MLLT3: variants seen among roughly 807,000 people sequenced by gnomAD.
MLLT3 encodes MLLT3 super elongation complex subunit.
MLLT3 carries 4 observed loss-of-function variants against 53.2 expected under a neutral mutation model. The ratio of observed to expected loss-of-function variants is 0.08; its 90% confidence interval spans 0.04 to 0.17. The LOEUF is 0.17. MLLT3 is among the 10% of genes least tolerant of loss of function. MLLT3 has a pLI of 1.00. For synonymous variants in MLLT3, 283 were observed against 230.6 expected (o/e 1.23, Z -2.06); for missense variants, 569 against 684.0 (o/e 0.83, Z 1.87).
intron 5 of MLLT3, among the ~76,000 whole-genome samples, chr9:20,370,516 C>CTT (rs112766052): frequency 4.8e-5 from 7 of 146,484 alleles, no homozygotes; most frequent in African/African-American, 1.7e-4. Flanking sequence ...AGCCACAAAT[C>CTT]TTTTTTTTTT....
intron 2 of MLLT3, among the ~76,000 whole-genome samples, chr9:20,578,508 T>TC (rs1819710998): frequency 6.6e-6 from 1 of 150,998 alleles, no homozygotes; most frequent in Non-Finnish European, 1.5e-5. Flanking sequence ...AAACTACGTC[T>TC]CTAAAAAAAA....
At chr9:20,577,206 T>C (rs752736577) in intron 2 of MLLT3, among the ~76,000 whole-genome samples, 11 of 152,102 alleles carry the variant, frequency 7.2e-5, no homozygotes, top group Non-Finnish European at 1.5e-4. Flanking sequence ...GTTAAAGCAA[T>C]AGTAGGACAA....
chr9:20,534,679 G>T (rs530814745), intron 2 of MLLT3, among the ~76,000 whole-genome samples: 49 of 152,278 alleles, frequency 3.2e-4, no homozygotes, highest in African/African-American at 1.1e-3. Context: ...GAGGTCAGGA[G>T]ATCGAGACCA....
intron 2 of MLLT3, among the ~76,000 whole-genome samples, chr9:20,470,621 C>A (rs776712243): frequency 6.6e-6 from 1 of 151,900 alleles, no homozygotes; most frequent in Non-Finnish European, 1.5e-5. Flanking sequence ...CCTTGTTTTT[C>A]TGTTTTCATC....
chr9:20,605,201 A>G (rs1166325404), intron 2 of MLLT3, among the ~76,000 whole-genome samples: 4 of 152,078 alleles, frequency 2.6e-5, no homozygotes, highest in East Asian at 1.9e-4. Flanking sequence ...CAATTCCTCA[A>G]GGATTACAAT....
Position 20,365,696 on chromosome 9 carries a change from A to C in MLLT3, c.1174T>G (p.Phe392Val). 6.2e-7 allele frequency: 1 copy of C among 1,613,982 alleles called. No homozygotes were observed. The highest frequency in any genetic ancestry group is 8.5e-7 in the Non-Finnish European group (1 of 1,179,894). Reference protein sequence around the residue: ...ASSSSSSSSSFTPSQTRQQGP... With the variant: ...ASSSSSSSSSVTPSQTRQQGP... The stretch of plus-strand genomic sequence containing the variant: ...TGTTGCCTGGTCTGGGATGGTGTGA[A>C]GCTGGAGCTGGAGCTGGAGCTGGAG... The change falls in exon 6 of 11, where the codon TTC (phenylalanine) becomes GTC (valine). Residue 392 changes from phenylalanine (F) to valine (V), a missense_variant. Phe to Val is a conservative substitution (Grantham distance 50). This residue lies in a region of MLLT3 where 437 missense variants were observed against 376.5 expected (regional missense o/e 1.16). Transcript: ENST00000380338.
At chr9:20,571,374 T>C (rs1178412153) in intron 2 of MLLT3, among the ~76,000 whole-genome samples, 1 of 152,188 alleles carries the variant, frequency 6.6e-6, no homozygotes, top group Non-Finnish European at 1.5e-5. Context: ...AACCTACATG[T>C]AATAAGAGCA....
chr9:20,399,290 TAA>T (rs1437536375), intron 5 of MLLT3, among the ~76,000 whole-genome samples: 3 of 152,230 alleles, frequency 2.0e-5, no homozygotes, highest in Non-Finnish European at 4.4e-5. Context: ...ATCAATTACT[TAA>T]GAGGAGTCTT....
chr9:20,343,537 A>C lies in MLLT3; in HGVS notation c.*2906T>G, dbSNP rs911727662. 8.7e-6 allele frequency: 2 copies of C among 229,292 alleles called. No homozygotes were observed. The highest frequency in any genetic ancestry group is 4.4e-5 in the African/African-American group (2 of 45,106). 14.2% of individuals were successfully genotyped at this position (229,292 alleles called of 1,614,324 possible). A position where few individuals can be genotyped will look rare whatever the true frequency, so the allele number is the denominator to read the frequency against. The stretch of plus-strand genomic sequence containing the variant: ...AGACAGAAGGAACCCCAAACCCACC[A>C]ACACACATCCTGCTGCAAAACCAGA... On this transcript the variant is annotated 3_prime_UTR_variant, in exon 11 of 11. Transcript: ENST00000380338.
chr9:20,565,790 A>G (rs889805654), intron 2 of MLLT3, among the ~76,000 whole-genome samples: 1 of 150,690 alleles, frequency 6.6e-6, no homozygotes. Flanking sequence ...TAAGCTAGTC[A>G]CTACCAAAAC....
intron 2 of MLLT3, among the ~76,000 whole-genome samples, chr9:20,535,820 A>T (rs1029334345): frequency 6.6e-6 from 1 of 152,198 alleles, no homozygotes; most frequent in African/African-American, 2.4e-5. Context: ...GATACCGGCA[A>T]GTGTTAGGAG....
At chr9:20,503,774 CT>C (rs1388950681) in intron 2 of MLLT3, among the ~76,000 whole-genome samples, 2 of 151,998 alleles carry the variant, frequency 1.3e-5, no homozygotes, top group Non-Finnish European at 2.9e-5. Flanking sequence ...AACCTGCAGC[CT>C]GGAAAAAAAT....
At chr9:20,502,234 C>T (rs989740448) in intron 2 of MLLT3, 2 of 153,946 alleles carry the variant, frequency 1.3e-5, no homozygotes, top group African/African-American at 4.8e-5. Context: ...CAGGGCACCA[C>T]AAATGAACCT....
rs537405481 is a variant in MLLT3 at position 20,430,424 on chromosome 9, A to G, written c.421-15999T>C. Among the ~76,000 whole-genome samples the G allele has an allele frequency of 5.9e-5, 9 of 152,280 alleles. No individual in the cohort carries two copies. The South Asian group carries it at 8.3e-4, about 14-fold the overall frequency. On this transcript the variant is annotated intron_variant, in intron 4 of 10. Transcript: ENST00000380338. ...TTGTAGTATTGCTACAGAGATCAAC[A>G]AACTGATCAATGGAACAGAAATGTA...
At chr9:20,455,238 A>G (rs1019816330) in intron 3 of MLLT3, among the ~76,000 whole-genome samples, 5 of 152,250 alleles carry the variant, frequency 3.3e-5, no homozygotes, top group Non-Finnish European at 7.3e-5. Flanking sequence ...TTATTCTAGC[A>G]AAGAGTTGTT....
chr9:20,448,061 T>G lies in MLLT3; in HGVS notation c.420+62A>C, dbSNP rs1050942872. 76 of 809,578 alleles carry G rather than the reference T, an allele frequency of 9.4e-5. No individual in the cohort carries two copies. The highest frequency in any genetic ancestry group is 2.8e-4 in the Middle Eastern group (1 of 3,522). The allele number at this position is 809,578 out of a possible 1,614,324, so 50.1% of individuals were successfully genotyped here. A position where few individuals can be genotyped will look rare whatever the true frequency, so the allele number is the denominator to read the frequency against. On this transcript the variant is annotated intron_variant, in intron 4 of 10. Coordinates refer to ENST00000380338, the MANE Select transcript of MLLT3 (RefSeq NM_004529.4). This position sits in a 1 kb window ranked among gnomAD's most constrained non-coding sequence, Gnocchi z 4.0. Reference sequence around the variant, plus strand: ...AACACATGAGGAACTAGTTTGTTTGTTTTTTTTTTTGTTGTTGTTGTTTTT... The same window carrying G: ...AACACATGAGGAACTAGTTTGTTTGGTTTTTTTTTTGTTGTTGTTGTTTTT...
intron 2 of MLLT3, among the ~76,000 whole-genome samples, chr9:20,476,522 C>T (rs1824525281): frequency 6.6e-6 from 1 of 151,974 alleles, no homozygotes; most frequent in South Asian, 2.1e-4. Flanking sequence ...ATCCTTAAAA[C>T]AAATAAGTAA....
chr9:20,545,856 CAAAAA>C (rs5896901), intron 2 of MLLT3, among the ~76,000 whole-genome samples: 7 of 99,856 alleles, frequency 7.0e-5, no homozygotes, highest in Non-Finnish European at 1.1e-4. Context: ...CAGTCTCTAC[CAAAAA>C]AAAAAAAAAA....
chr9:20,381,974 T>C (rs1356039875), intron 5 of MLLT3, among the ~76,000 whole-genome samples: 1 of 151,944 alleles, frequency 6.6e-6, no homozygotes. Flanking sequence ...AAAATGCTTC[T>C]ATTTCTTTAA....
Sources: allele counts gnomAD v4.1 joint callset (sites outside exome capture counted in the v4.1 genomes callset), GRCh38; gene constraint gnomAD v4.1.1; regional missense constraint gnomAD v4.1.1; non-coding constraint Gnocchi (gnomAD v3.1); transcripts MANE v1.5; gene names NCBI Gene and HGNC (gene_info 2026-07-23, HGNC 2026-07-21).